LOC128462377: variants seen among roughly 807,000 people sequenced by gnomAD.
chr16:89,392,196 C>T, the LOC128462377 span, among the ~76,000 whole-genome samples: 11 of 152,336 alleles, frequency 7.2e-5, no homozygotes, highest in Non-Finnish European at 1.5e-4. Context: ...CTCCTTCATT[C>T]GGTGTACTCT....
the LOC128462377 span, among the ~76,000 whole-genome samples, chr16:89,351,943 C>T: frequency 6.6e-6 from 1 of 152,216 alleles, no homozygotes; most frequent in Non-Finnish European, 1.5e-5. Context: ...GACAGTCTCA[C>T]TCTGTCGCCC....
chr16:89,318,216 C>T, the LOC128462377 span, among the ~76,000 whole-genome samples: 1 of 152,206 alleles, frequency 6.6e-6, no homozygotes, highest in Non-Finnish European at 1.5e-5. Flanking sequence ...CCCCACGCCA[C>T]GCCTGGCATG....
At chr16:89,409,117 G>A in the LOC128462377 span, among the ~76,000 whole-genome samples, 2 of 152,200 alleles carry the variant, frequency 1.3e-5, no homozygotes, top group Non-Finnish European at 2.9e-5. Flanking sequence ...GAGCCCTGGG[G>A]CCAGGTATCA....
At chr16:89,404,806 A>T in the LOC128462377 span, among the ~76,000 whole-genome samples, 1 of 152,242 alleles carries the variant, frequency 6.6e-6, no homozygotes, top group Admixed American at 6.5e-5. Flanking sequence ...TGAAGGCATC[A>T]TGGATCCAAA....
chr16:89,417,202 A>T, the LOC128462377 span, among the ~76,000 whole-genome samples: 1 of 152,356 alleles, frequency 6.6e-6, no homozygotes, highest in South Asian at 2.1e-4. Flanking sequence ...GGCGACTGAG[A>T]TAAGGAACAG....
At chr16:89,415,621 C>A in the LOC128462377 span, among the ~76,000 whole-genome samples, 2 of 151,148 alleles carry the variant, frequency 1.3e-5, no homozygotes, top group African/African-American at 4.9e-5. Flanking sequence ...GGAGAACAGG[C>A]ATTCAAGACC....
the LOC128462377 span, among the ~76,000 whole-genome samples, chr16:89,343,509 G>A: frequency 5.3e-5 from 8 of 152,324 alleles, no homozygotes; most frequent in East Asian, 1.5e-3. Flanking sequence ...GAGTGAGCGA[G>A]CAAATGAGAC....
the LOC128462377 span, among the ~76,000 whole-genome samples, chr16:89,398,601 G>A: frequency 3.3e-5 from 5 of 152,234 alleles, no homozygotes; most frequent in African/African-American, 1.2e-4. Flanking sequence ...AAATAGCTGG[G>A]TGTGTTGGCA....
the LOC128462377 span, among the ~76,000 whole-genome samples, chr16:89,389,986 G>A: frequency 3.8e-5 from 3 of 78,842 alleles, no homozygotes; most frequent in African/African-American, 6.0e-5. Context: ...AGTGTGGCGG[G>A]GAGCACCGAG....
the LOC128462377 span, among the ~76,000 whole-genome samples, chr16:89,388,355 C>G: frequency 7.6e-6 from 1 of 131,216 alleles, no homozygotes; most frequent in East Asian, 2.6e-4. Context: ...TGGTCTTGAA[C>G]TCCTGACCTC....
chr16:89,406,460 G>A, the LOC128462377 span, among the ~76,000 whole-genome samples: 6 of 152,186 alleles, frequency 3.9e-5, no homozygotes, highest in Admixed American at 1.3e-4. Context: ...AAGGCCGCAC[G>A]GGCAAAGGAG....
At chr16:89,381,979 T>A in the LOC128462377 span, among the ~76,000 whole-genome samples, 2 of 152,170 alleles carry the variant, frequency 1.3e-5, no homozygotes, top group Non-Finnish European at 2.9e-5. Context: ...GTAGTGTGTC[T>A]GAGATCGTTT....
chr16:89,367,074 T>C, the LOC128462377 span, among the ~76,000 whole-genome samples: 1 of 152,152 alleles, frequency 6.6e-6, no homozygotes, highest in African/African-American at 2.4e-5. Context: ...CTCTCCTCTA[T>C]GACAGACTCC....
At chr16:89,393,314 A>ATTT in the LOC128462377 span, among the ~76,000 whole-genome samples, 23 of 139,334 alleles carry the variant, frequency 1.7e-4, no homozygotes, top group African/African-American at 5.8e-4. Context: ...TTTTATTTTT[A>ATTT]TTTTTTTTTT....
At chr16:89,355,306 A>G in the LOC128462377 span, among the ~76,000 whole-genome samples, 1 of 152,108 alleles carries the variant, frequency 6.6e-6, no homozygotes, top group Non-Finnish European at 1.5e-5. Flanking sequence ...AGGCGGGCGG[A>G]CGGCTCACAC....
At chr16:89,363,364 T>C in the LOC128462377 span, among the ~76,000 whole-genome samples, 2 of 152,088 alleles carry the variant, frequency 1.3e-5, no homozygotes, top group Non-Finnish European at 2.9e-5. Context: ...TTAGGAGATA[T>C]ACCTAATGCT....
At chr16:89,410,297 A>G in the LOC128462377 span, among the ~76,000 whole-genome samples, 1 of 152,224 alleles carries the variant, frequency 6.6e-6, no homozygotes, top group African/African-American at 2.4e-5. Context: ...AGCTGTAGTT[A>G]GTAAGCCACC....
At chr16:89,408,399 T>A in the LOC128462377 span, among the ~76,000 whole-genome samples, 1 of 152,228 alleles carries the variant, frequency 6.6e-6, no homozygotes, top group Non-Finnish European at 1.5e-5. Flanking sequence ...CCCAGTTGCC[T>A]GGGCAGAGGA....
the LOC128462377 span, among the ~76,000 whole-genome samples, chr16:89,329,941 G>A: frequency 6.6e-6 from 1 of 151,714 alleles, no homozygotes; most frequent in Non-Finnish European, 1.5e-5. Flanking sequence ...CGTGAGCAGA[G>A]ATCACACCAC....
Sources: gnomAD v4.1 joint callset for allele counts (sites outside exome capture counted in the v4.1 genomes callset) on GRCh38, gnomAD v4.1.1 for gene constraint, MANE v1.5 for transcripts.